The following VPS26B variants were observed in gnomAD, a reference collection of about 807,000 sequenced individuals.
VPS26B encodes vacuolar protein sorting-associated protein 26B.
Under a neutral mutation model 33.3 loss-of-function variants are expected in VPS26B, and 10 were observed. The observed-to-expected ratio is 0.30, with a 90% CI of 0.19 to 0.51. The LOEUF (loss-of-function observed/expected upper bound fraction) is 0.51. VPS26B is among the 20% of genes least tolerant of loss of function. The pLI, the probability that VPS26B is intolerant of heterozygous loss-of-function variation, is 0.98. For missense variants in VPS26B, 317 were observed against 452.7 expected (o/e 0.70, Z 2.72); for synonymous variants, 190 against 176.9 (o/e 1.07, Z -0.59).
chr11:134,238,696 C>G (rs1443940102), intron 2 of VPS26B, among the ~76,000 whole-genome samples: 4 of 152,072 alleles, frequency 2.6e-5, no homozygotes, highest in Non-Finnish European at 5.9e-5. Flanking sequence ...CCTGGGTTCA[C>G]GCCATTCTCC....
chr11:134,245,531 AC>A lies in VPS26B; in HGVS notation c.954del (p.Ser319ProfsTer64). 3.1e-6 allele frequency: 5 copies of A among 1,613,616 alleles called. No individual in the cohort carries two copies. Among genetic ancestry groups the A allele is most frequent in the Non-Finnish European group, 4.2e-6 (5 of 1,179,940 alleles). ...CGCCTCACAGCGCTTTGAGGGCACC[AC>A]CTCCCTGGGTGAGGTGCGGACCCCC... is the stretch of plus-strand genomic sequence containing the variant. ...AIASQRFEGT[T>X]SLGEVRTPSQ... On this transcript the variant is annotated frameshift_variant, in exon 6 of 6. Transcript: ENST00000281187. LOFTEE classifies it high-confidence loss of function. The surrounding 1 kb of genome is among the most constrained non-coding windows in gnomAD (Gnocchi z 4.7).
chr11:134,245,778 T>C lies in VPS26B; in HGVS notation c.*188T>C. 1.3e-6 allele frequency: 1 copy of C among 766,012 alleles called. No homozygotes were observed. The highest frequency in any genetic ancestry group is 2.0e-6 in the Non-Finnish European group (1 of 494,334). 47.5% of individuals were successfully genotyped at this position (766,012 alleles called of 1,614,324 possible). A position where few individuals can be genotyped will look rare whatever the true frequency, so the allele number is the denominator to read the frequency against. On this transcript the variant is annotated 3_prime_UTR_variant, in exon 6 of 6. Transcript: ENST00000281187. The surrounding 1 kb of genome is among the most constrained non-coding windows in gnomAD (Gnocchi z 4.7). ...AAGGGGCTTGGGGTGGGAAGCAGTC[T>C]CTCCTTGGGATTCTGCGGCCGATGT...
In VPS26B at chr11:134,234,924, A is replaced by G. The variant is rs1350956246; in HGVS notation, c.251A>G (p.His84Arg). ...CTCTACTACGATCGCGGGAACCACC[A>G]TGAGTTTGTGTCCCTGGTGAAGGAC... is the stretch of plus-strand genomic sequence containing the variant. ...IELYYDRGNH[H>R]EFVSLVKDLA... Residue 84 changes from histidine to arginine, a missense_variant, in exon 2 of 6, where the codon CAT becomes CGT. Transcript: ENST00000281187. 2 of 1,614,096 alleles carry G rather than the reference A, an allele frequency of 1.2e-6. No homozygotes were observed. The highest frequency in any genetic ancestry group is 1.7e-5 in the Admixed American group (1 of 60,010).
rs746237444 is a variant in VPS26B at position 134,234,902 on chromosome 11, T to C, written c.229T>C (p.Tyr77His). 7 of 1,614,056 alleles carry C rather than the reference T, an allele frequency of 4.3e-6. No individual in the cohort carries two copies. The highest frequency in any genetic ancestry group is 5.9e-6 in the Non-Finnish European group (7 of 1,179,960). ...KIEFIGQIEL[Y>H]YDRGNHHEFV... ...GCATCGCTGTCTCTCACCAGAACTC[T>C]ACTACGATCGCGGGAACCACCATGA... is the stretch of plus-strand genomic sequence containing the variant. The change falls in exon 2 of 6, where the codon TAC becomes CAC. Residue 77 changes from tyrosine to histidine, a missense_variant. By Grantham distance (83) the Tyr-to-His change is moderately conservative. Transcript: ENST00000281187.
intron 1 of VPS26B, among the ~76,000 whole-genome samples, chr11:134,230,525 C>CA (rs1330539173): frequency 4.6e-5 from 7 of 152,210 alleles, no homozygotes; most frequent in Non-Finnish European, 8.8e-5. Flanking sequence ...AGGCCACTGA[C>CA]AACTCGGTGA....
Position 134,233,500 on chromosome 11 carries a change from G to C in VPS26B, c.224-1397G>C, listed in dbSNP as rs934308592. Among the ~76,000 whole-genome samples, 4 of 152,340 alleles carry C rather than the reference G, an allele frequency of 2.6e-5. No homozygotes were observed. In the East Asian group the frequency reaches 7.7e-4, roughly 29 times the overall value. On this transcript the variant is annotated intron_variant, in intron 1 of 5. Transcript: ENST00000281187. ...GCACTTTGGGAGGCCAAGGCGGTTA[G>C]ATCACGAGGTCAGGAGATCGAGACC...
At position 134,225,143 on chromosome 11, in the gene VPS26B, G is replaced by C; in HGVS notation, c.21G>C (p.Gly7=). 6.2e-7 allele frequency: 1 copy of C among 1,610,592 alleles called. No individual in the cohort carries two copies. Among genetic ancestry groups the C allele is most frequent in the Non-Finnish European group, 8.5e-7 (1 of 1,177,776 alleles). The change falls in exon 1 of 6, where the codon GGG becomes GGC. Residue 7 remains glycine (G), a synonymous_variant. Transcript: ENST00000281187. ...GTGCGATGAGCTTCTTCGGCTTCGG[G>C]CAGAGCGTGGAGGTGGAAATCCTTC... MSFFGF[G]QSVEVEILLN...
rs1439202245 is a variant in VPS26B at position 134,234,811 on chromosome 11, C to CCAGCCTA, written c.224-79_224-73dup. ...GAGGTCCTTCCAGAAAGCAGTCCCT[C>CCAGCCTA]CAGCCTACAGCCTCCAGCCCCCTAC... On this transcript the variant is annotated intron_variant, in intron 1 of 5. Transcript: ENST00000281187. The CCAGCCTA allele has an allele frequency of 1.1e-4, 169 of 1,530,186 alleles. No homozygotes were observed. In the African/African-American group the frequency reaches 2.1e-3, roughly 19 times the overall value. The allele number at this position is 1,530,186 out of a possible 1,614,324, so 94.8% of individuals were successfully genotyped here. A position where few individuals can be genotyped will look rare whatever the true frequency, so the allele number is the denominator to read the frequency against.
intron 1 of VPS26B, among the ~76,000 whole-genome samples, chr11:134,227,239 G>A (rs1448058990): frequency 6.6e-6 from 1 of 152,238 alleles, no homozygotes; most frequent in Non-Finnish European, 1.5e-5. Flanking sequence ...TGAGTCCAAA[G>A]CATATTATGC....
Position 134,245,527 on chromosome 11 carries a change from C to T in VPS26B, c.948C>T (p.Gly316=). Residue 316 remains glycine (G), a synonymous_variant, in exon 6 of 6, where the codon GGC becomes GGT. Coordinates refer to ENST00000281187, the MANE Select transcript of VPS26B (RefSeq NM_052875.5). This position sits in a 1 kb window ranked among gnomAD's most constrained non-coding sequence, Gnocchi z 4.7. ...QAAIASQRFE[G]TTSLGEVRTP... ...CCATCGCCTCACAGCGCTTTGAGGG[C>T]ACCACCTCCCTGGGTGAGGTGCGGA... The T allele has an allele frequency of 6.2e-7, 1 of 1,613,932 alleles. No homozygotes were observed. Among genetic ancestry groups the T allele is most frequent in the African/African-American group, 1.3e-5 (1 of 75,050 alleles).
chr11:134,231,616 G>A (rs1938556414), intron 1 of VPS26B, among the ~76,000 whole-genome samples: 1 of 151,726 alleles, frequency 6.6e-6, no homozygotes, highest in Admixed American at 6.6e-5. Context: ...CCAGGATAGA[G>A]TGCAATGGCA....
In VPS26B at chr11:134,240,794, C is replaced by CGTGTGTGTGTGTGTGTGTGT. The variant is rs55726358; in HGVS notation, c.545+654_545+673dup. ...GTGTCCGTGTGTGTGTGTGTGTGTCCGTGTGTGTGTGTGTGTGTGTGTGTG... is the reference window on the plus strand; with the variant it reads ...GTGTCCGTGTGTGTGTGTGTGTGTCCGTGTGTGTGTGTGTGTGTGTGTGTGTGTGTGTGTGTGTGTGTGTG... On this transcript the variant is annotated intron_variant, in intron 3 of 5. Transcript: ENST00000281187. This position sits in a 1 kb window ranked among gnomAD's most constrained non-coding sequence, Gnocchi z 4.4. 3.1e-4 allele frequency among the ~76,000 whole-genome samples: 43 copies of CGTGTGTGTGTGTGTGTGTGT among 138,532 alleles called. 1 individual carries two copies. Among genetic ancestry groups the CGTGTGTGTGTGTGTGTGTGT allele is most frequent in the South Asian group, 2.2e-3 (9 of 4,148 alleles). 90.9% of individuals were successfully genotyped at this position (138,532 alleles called of 152,430 possible).
intron 1 of VPS26B, among the ~76,000 whole-genome samples, chr11:134,229,922 C>G (rs1483820344): frequency 6.6e-6 from 1 of 152,242 alleles, no homozygotes; most frequent in Admixed American, 6.5e-5. Context: ...ACCCTTCACT[C>G]TCACCGCTTG....
rs375379510 is a variant in VPS26B, at chr11:134,231,978, T to G, written c.224-2919T>G. 2.5e-4 allele frequency among the ~76,000 whole-genome samples: 38 copies of G among 152,366 alleles called. No individual in the cohort carries two copies. The East Asian group carries it at 5.0e-3, about 20-fold the overall frequency. ...CTCAGGGCGGCTGTCATGGGTGACC[T>G]GTGATGCAAAGCTGGCTCAGTTTCC... is the stretch of plus-strand genomic sequence containing the variant. On this transcript the variant is annotated intron_variant, in intron 1 of 5. Coordinates refer to ENST00000281187, the MANE Select transcript of VPS26B (RefSeq NM_052875.5).
chr11:134,243,348 A>T (rs2136053751), intron 4 of VPS26B, 54 bp downstream of exon 4: 1 of 1,600,052 alleles, frequency 6.2e-7, no homozygotes, highest in Admixed American at 1.7e-5. Flanking sequence ...CATGTCCTGC[A>T]CAGAATTCTG....
chr11:134,240,556 C>T lies in VPS26B; in HGVS notation c.545+401C>T, dbSNP rs757194273. On this transcript the variant is annotated intron_variant, in intron 3 of 5. Coordinates refer to ENST00000281187, the MANE Select transcript of VPS26B (RefSeq NM_052875.5). The surrounding 1 kb of genome is among the most constrained non-coding windows in gnomAD (Gnocchi z 4.4). The stretch of plus-strand genomic sequence containing the variant: ...CCATCTGTGTCTTCAGAAATCAAAG[C>T]GACGAAACCAAATATTGGCCATGAT... Among the ~76,000 whole-genome samples the T allele has an allele frequency of 3.3e-5, 5 of 152,108 alleles. No individual in the cohort carries two copies. Among genetic ancestry groups the T allele is most frequent in the Admixed American group, 2.0e-4 (3 of 15,266 alleles).
Position 134,225,074 on chromosome 11 carries a change from C to G in VPS26B, c.-49C>G. 6.5e-7 allele frequency: 1 copy of G among 1,529,098 alleles called. No individual in the cohort carries two copies. Among genetic ancestry groups the G allele is most frequent in the South Asian group, 1.2e-5 (1 of 83,336 alleles). 94.7% of individuals were successfully genotyped at this position (1,529,098 alleles called of 1,614,324 possible). A position where few individuals can be genotyped will look rare whatever the true frequency, so the allele number is the denominator to read the frequency against. ...TCTTTACCTAGGGCAGCCCGCGCCC[C>G]GGTGCGAGGGAGCGGTCCTTACCGA... On this transcript the variant is annotated 5_prime_UTR_variant, in exon 1 of 6. Transcript: ENST00000281187.
chr11:134,239,214 A>G (rs1393424255), intron 2 of VPS26B, among the ~76,000 whole-genome samples: 1 of 152,106 alleles, frequency 6.6e-6, no homozygotes, highest in Non-Finnish European at 1.5e-5. Context: ...TTGTTATTCA[A>G]CAGACCAGGT....
Position 134,224,922 on chromosome 11 carries a change from GC to G in VPS26B, c.-199del, listed in dbSNP as rs1408306277. On this transcript the variant is annotated 5_prime_UTR_variant, in exon 1 of 6. Coordinates refer to ENST00000281187, the MANE Select transcript of VPS26B (RefSeq NM_052875.5). ...CGGGCGCCGCAGCCCGCAGCCGCCA[GC>G]CTCCCCCGGCCGTGCCCCTCCCCCG... 8.2e-6 allele frequency: 2 copies of G among 243,798 alleles called. No individual in the cohort carries two copies. The highest frequency in any genetic ancestry group is 4.6e-5 in the African/African-American group (2 of 43,462). 15.1% of individuals were successfully genotyped at this position (243,798 alleles called of 1,614,324 possible).
Sources: allele counts gnomAD v4.1 joint callset (sites outside exome capture counted in the v4.1 genomes callset), GRCh38; gene constraint gnomAD v4.1.1; non-coding constraint Gnocchi (gnomAD v3.1); transcripts MANE v1.5; gene names NCBI Gene and HGNC (gene_info 2026-07-23, HGNC 2026-07-21).